The following NKAIN3 variants were observed in gnomAD, a reference collection of about 807,000 sequenced individuals.
NKAIN3 encodes sodium/potassium transporting ATPase interacting 3, also known as sodium/potassium-transporting ATPase subunit beta-1-interacting protein 3.
Under a neutral mutation model 30.2 loss-of-function variants are expected in NKAIN3, and 25 were observed. The ratio of observed to expected loss-of-function variants is 0.83; its 90% CI spans 0.60 to 1.16. NKAIN3 has a LOEUF of 1.16. NKAIN3 is among the 50% of genes most tolerant of loss of function. The pLI is 0.00. For synonymous variants in NKAIN3, 91 were observed against 89.6 expected, an observed-to-expected ratio of 1.02 and a Z score of -0.09; for missense variants, 225 against 254.1, an observed-to-expected ratio of 0.89 and a Z score of 0.78.
At chr8:62,661,343 T>C (rs1563505114) in intron 3 of NKAIN3, among the ~76,000 whole-genome samples, 1 of 152,186 alleles carries the variant, frequency 6.6e-6, no homozygotes, top group African/African-American at 2.4e-5. Context: ...AAACTTCTCT[T>C]CTCACAGCTC....
intron 4 of NKAIN3, among the ~76,000 whole-genome samples, chr8:62,893,831 T>C (rs1451483150): frequency 6.6e-6 from 1 of 152,208 alleles, no homozygotes; most frequent in Non-Finnish European, 1.5e-5. Context: ...TAGAATGTTT[T>C]CCTGGCTAGA....
chr8:62,411,068 A>C (rs1804222328), intron 1 of NKAIN3, among the ~76,000 whole-genome samples: 1 of 152,172 alleles, frequency 6.6e-6, no homozygotes, highest in African/African-American at 2.4e-5. Context: ...TAACACCAAA[A>C]TATGTCAGAG....
intron 4 of NKAIN3, among the ~76,000 whole-genome samples, chr8:62,840,418 G>C (rs1819496746): frequency 1.2e-5 from 1 of 82,314 alleles, no homozygotes; most frequent in African/African-American, 3.9e-5. Flanking sequence ...TAAACCTGGA[G>C]GGTCACAAAA....
chr8:62,317,469 G>C (rs1335002017), intron 1 of NKAIN3, among the ~76,000 whole-genome samples: 1 of 152,178 alleles, frequency 6.6e-6, no homozygotes, highest in African/African-American at 2.4e-5. Context: ...GTGAGGAAGG[G>C]ATCCAGTTTC....
intron 5 of NKAIN3, among the ~76,000 whole-genome samples, chr8:62,996,361 G>C (rs1431510115): frequency 6.6e-6 from 1 of 150,858 alleles, no homozygotes; most frequent in Non-Finnish European, 1.5e-5. Flanking sequence ...GAACAGCATG[G>C]CGAAACCACC....
intron 4 of NKAIN3, among the ~76,000 whole-genome samples, chr8:62,750,542 C>T (rs557461833): frequency 6.6e-6 from 1 of 152,274 alleles, no homozygotes; most frequent in African/African-American, 2.4e-5. Context: ...CTGTGCCTTG[C>T]TTGGCGCAGA....
intron 1 of NKAIN3, among the ~76,000 whole-genome samples, chr8:62,344,286 TATA>T (rs1371997115): frequency 6.6e-6 from 1 of 152,104 alleles, no homozygotes; most frequent in Non-Finnish European, 1.5e-5. Flanking sequence ...AAATGGGAAA[TATA>T]ATGTACATAA....
intron 4 of NKAIN3, among the ~76,000 whole-genome samples, chr8:62,857,423 G>A (rs1240416166): frequency 6.6e-6 from 1 of 152,162 alleles, no homozygotes; most frequent in Non-Finnish European, 1.5e-5. Context: ...TCTCCTGGAT[G>A]ATATCCTGAA....
chr8:62,613,006 G>T (rs1207676630), intron 3 of NKAIN3, among the ~76,000 whole-genome samples: 3 of 151,346 alleles, frequency 2.0e-5, no homozygotes, highest in African/African-American at 4.9e-5. Context: ...TATTATTTTT[G>T]ATTGGTTCAC....
At chr8:62,881,490 A>T (rs184541094) in intron 4 of NKAIN3, among the ~76,000 whole-genome samples, 16 of 152,300 alleles carry the variant, frequency 1.1e-4, no homozygotes, top group African/African-American at 3.4e-4. Flanking sequence ...ACAGTGATAA[A>T]AGGTGTGTGG....
rs149063934 is a variant in NKAIN3 at position 62,945,671 on chromosome 8, T to C, written c.533-8231T>C. 1.8e-3 allele frequency among the ~76,000 whole-genome samples: 280 copies of C among 152,246 alleles called. 1 individual carries two copies. The highest frequency in any genetic ancestry group is 6.8e-3 in the Middle Eastern group (2 of 294). On this transcript the variant is annotated intron_variant, in intron 5 of 6. Transcript: ENST00000623646. ...GAACACTCTACATGCCTACACACCA[T>C]TTAGGAGGTCTTACATTCACTTGGG...
At chr8:62,786,281 A>C (rs899218325) in intron 4 of NKAIN3, among the ~76,000 whole-genome samples, 2 of 152,288 alleles carry the variant, frequency 1.3e-5, no homozygotes, top group South Asian at 4.1e-4. Flanking sequence ...TAAATGACTA[A>C]ATAACACATT....
chr8:62,749,280 T>C (rs1816188993), intron 4 of NKAIN3, among the ~76,000 whole-genome samples: 1 of 152,180 alleles, frequency 6.6e-6, no homozygotes, highest in Non-Finnish European at 1.5e-5. Context: ...ATTTATTTGA[T>C]AAGGAGCTGG....
chr8:62,492,161 A>G (rs1206675300), intron 1 of NKAIN3, among the ~76,000 whole-genome samples: 7 of 152,146 alleles, frequency 4.6e-5, no homozygotes, highest in Non-Finnish European at 1.0e-4. Context: ...TTAAGAAGGA[A>G]AGAATGAAGA....
chr8:62,559,121 TG>T (rs1239258158), intron 1 of NKAIN3, among the ~76,000 whole-genome samples: 1 of 152,064 alleles, frequency 6.6e-6, no homozygotes, highest in African/African-American at 2.4e-5. Context: ...TTATAGAAAT[TG>T]AAAAGAATAT....
intron 3 of NKAIN3, among the ~76,000 whole-genome samples, chr8:62,663,635 A>G (rs530016738): frequency 6.6e-6 from 1 of 152,304 alleles, no homozygotes; most frequent in African/African-American, 2.4e-5. Flanking sequence ...ATCTCTGCAC[A>G]CAGGGATAGT....
chr8:62,800,125 CA>C (rs34289353), intron 4 of NKAIN3, among the ~76,000 whole-genome samples: 10 of 151,962 alleles, frequency 6.6e-5, no homozygotes, highest in African/African-American at 2.2e-4. Flanking sequence ...ATGGATGCAC[CA>C]AAATCTCATA....
At chr8:62,296,066 CA>C (rs1813818379) in intron 1 of NKAIN3, among the ~76,000 whole-genome samples, 2 of 152,168 alleles carry the variant, frequency 1.3e-5, no homozygotes, top group African/African-American at 4.8e-5. Context: ...TTGACTACAG[CA>C]AATGCCCCCT....
chr8:62,525,667 C>G (rs1345406137), intron 1 of NKAIN3, among the ~76,000 whole-genome samples: 1 of 152,048 alleles, frequency 6.6e-6, no homozygotes, highest in Admixed American at 6.6e-5. Flanking sequence ...ATGGTTGCAC[C>G]CTTGGTTAAT....
Sources: gnomAD v4.1 joint callset for allele counts (sites outside exome capture counted in the v4.1 genomes callset) on GRCh38, gnomAD v4.1.1 for gene constraint, MANE v1.5 for transcripts, NCBI Gene and HGNC (gene_info 2026-07-23, HGNC 2026-07-21) for gene names.